Variants in ANKS6 observed in about 807,000 individuals in gnomAD.
The protein encoded by ANKS6 is ankyrin repeat and SAM domain-containing protein 6.
A neutral mutation model predicts 77.9 loss-of-function variants in ANKS6; 47 were observed. The observed-to-expected ratio is 0.60, with a 90% CI of 0.48 to 0.77. The LOEUF is 0.77. Among genes scored for constraint, ANKS6 ranks in the 30% least tolerant of loss-of-function variants. The pLI is 0.00. For missense variants in ANKS6, 1,150 were observed against 1,159.1 expected (o/e 0.99, Z 0.11); for synonymous variants, 488 against 501.7 (o/e 0.97, Z 0.37).
chr9:98,749,175 C>A (rs1037468957), intron 13 of ANKS6, among the ~76,000 whole-genome samples: 4 of 152,128 alleles, frequency 2.6e-5, no homozygotes, highest in African/African-American at 9.7e-5. Context: ...AAGGAAGAGA[C>A]CCTGAGCTTG....
chr9:98,762,984 C>G (rs1211794669), intron 11 of ANKS6, among the ~76,000 whole-genome samples: 1 of 151,944 alleles, frequency 6.6e-6, no homozygotes, highest in Non-Finnish European at 1.5e-5. Context: ...GCTCGTGAGG[C>G]AAAAACCAAC....
chr9:98,768,092 G>A lies in ANKS6; in HGVS notation c.2131C>T (p.Pro711Ser). ...CACAAAACAAGCACCTTGCCAACAG[G>A]AGCGCTGCCACCTGCAGGGGAGGCT... is the stretch of plus-strand genomic sequence containing the variant. The part of the protein sequence containing the change: ...LPASPAGGSA[P>S]VGKKLETSKR... Residue 711 changes from proline (P) to serine (S), a missense_variant, in exon 11 of 15, where the codon CCT (proline) becomes TCT (serine). Transcript: ENST00000353234. 1.9e-6 allele frequency: 3 copies of A among 1,609,134 alleles called. No homozygotes were observed. The highest frequency in any genetic ancestry group is 2.5e-6 in the Non-Finnish European group (3 of 1,178,118).
rs1831502330 is a variant in ANKS6, at chr9:98,736,393, C to G, written c.*126G>C. The G allele has an allele frequency of 7.0e-7, 1 of 1,434,608 alleles. No homozygotes were observed. Among genetic ancestry groups the G allele is most frequent in the African/African-American group, 1.4e-5 (1 of 69,644 alleles). The allele number at this position is 1,434,608 out of a possible 1,614,324, so 88.9% of individuals were successfully genotyped here. A position where few individuals can be genotyped will look rare whatever the true frequency, so the allele number is the denominator to read the frequency against. On this transcript the variant is annotated 3_prime_UTR_variant, in exon 15 of 15. Coordinates refer to ENST00000353234, the MANE Select transcript of ANKS6 (RefSeq NM_173551.5). ...ATGAATGCCGTCGACGTGAAGTGGG[C>G]ATCCCGAGCAAAGGGAACAACATGA...
chr9:98,749,499 A>C (rs1409717863), intron 13 of ANKS6, among the ~76,000 whole-genome samples: 2 of 152,222 alleles, frequency 1.3e-5, no homozygotes, highest in African/African-American at 2.4e-5. Context: ...TGAACGATGA[A>C]GGACAGGTGA....
intron 2 of ANKS6, among the ~76,000 whole-genome samples, chr9:98,788,651 C>T (rs780401686): frequency 2.7e-4 from 41 of 152,344 alleles, no homozygotes; most frequent in Admixed American, 8.5e-4. Flanking sequence ...CTGCTCACCA[C>T]CACCCCGTAG....
rs752825071 is a variant in ANKS6, at chr9:98,790,233, C to A, written c.733G>T (p.Val245Leu). The A allele has an allele frequency of 3.0e-5, 48 of 1,607,012 alleles. 1 individual carries two copies. The highest frequency in any genetic ancestry group is 1.3e-4 in the South Asian group (12 of 90,930). Residue 245 changes from valine to leucine, a missense_variant, in exon 2 of 15, where the codon GTG becomes TTG. Val to Leu is a conservative substitution (Grantham distance 32, BLOSUM62 1). Transcript: ENST00000353234. The part of the protein sequence containing the change: ...TGRLGVAQQL[V>L]EKGANPDHLS... The stretch of plus-strand genomic sequence containing the variant: ...TGGTCAGGGTTGGCGCCCTTCTCCA[C>A]CAGCTGCTGGGCCACTCCAAGCCGC...
At chr9:98,790,914 G>C (rs1473249806) in intron 1 of ANKS6, among the ~76,000 whole-genome samples, 2 of 152,204 alleles carry the variant, frequency 1.3e-5, no homozygotes, top group Non-Finnish European at 2.9e-5. Context: ...CCTACTTCAA[G>C]GGTTGTTGGG....
In ANKS6 at chr9:98,733,471, C is replaced by T; in HGVS notation, c.*3048G>A. On this transcript the variant is annotated 3_prime_UTR_variant, in exon 15 of 15. Coordinates refer to ENST00000353234, the MANE Select transcript of ANKS6 (RefSeq NM_173551.5). Reference sequence around the variant, plus strand: ...TGCCATCTCAAAGCAGGACCGGTCCCCTGATGTCCCACTGCCAAGCAGGCC... The same window carrying T: ...TGCCATCTCAAAGCAGGACCGGTCCTCTGATGTCCCACTGCCAAGCAGGCC... The T allele has an allele frequency of 1.0e-6, 1 of 985,478 alleles. No individual in the cohort carries two copies. The highest frequency in any genetic ancestry group is 4.7e-5 in the South Asian group (1 of 21,286). The allele number at this position is 985,478 out of a possible 1,614,324, so 61.0% of individuals were successfully genotyped here.
At chr9:98,751,878 CA>C (rs2117892689) in intron 12 of ANKS6, among the ~76,000 whole-genome samples, 1 of 152,232 alleles carries the variant, frequency 6.6e-6, no homozygotes, top group East Asian at 1.9e-4. Context: ...GCCAAAAGTT[CA>C]AAACCAGGCC....
chr9:98,780,488 G>T, intron 5 of ANKS6, 151 bp from the exon 6 acceptor site: 3 of 974,278 alleles, frequency 3.1e-6, no homozygotes, highest in Non-Finnish European at 1.5e-6. Context: ...CTCTCCATCT[G>T]ATCTTCAAAA....
At position 98,778,248 on chromosome 9, in the gene ANKS6, C is replaced by T. The variant is rs763850247; in HGVS notation, c.1545G>A (p.Ala515=). The T allele has an allele frequency of 5.6e-6, 9 of 1,614,164 alleles. No homozygotes were observed. Among genetic ancestry groups the T allele is most frequent in the South Asian group, 2.2e-5 (2 of 91,060 alleles). ...CACCATTGTCTTTGGTCACAGGGGC[C>T]GCATCAGGGAGTGCAGAGCGGCTTG... ...DKTSRSALPD[A]APVTKDNGPG... The change falls in exon 7 of 15, where the codon GCG becomes GCA. Residue 515 remains alanine (A), a synonymous_variant. Transcript: ENST00000353234.
chr9:98,765,118 T>C (rs964336330), intron 11 of ANKS6, among the ~76,000 whole-genome samples: 5 of 152,196 alleles, frequency 3.3e-5, no homozygotes, highest in African/African-American at 4.8e-5. Context: ...TAATAAATTC[T>C]CTCTTTTCTC....
rs1834158486 is a variant in ANKS6 at position 98,780,180 on chromosome 9, A to G, written c.1368+9T>C. On this transcript the variant is annotated intron_variant, in intron 6 of 14. Transcript: ENST00000353234. ...CCCCCAAGCCCCTTTAAGACAGGAA[A>G]AGGCAAACCTTCAGTCCACCCTTGT... The G allele has an allele frequency of 6.2e-7, 1 of 1,613,274 alleles. No homozygotes were observed. The highest frequency in any genetic ancestry group is 8.5e-7 in the Non-Finnish European group (1 of 1,179,956).
chr9:98,782,689 G>A (rs1039859585), intron 4 of ANKS6, 116 bp from the exon 5 acceptor site: 5 of 780,150 alleles, frequency 6.4e-6, no homozygotes, highest in Non-Finnish European at 1.1e-5. Flanking sequence ...GAAGGACATG[G>A]AAGGGCAAAC....
chr9:98,795,925 A>G, intron 1 of ANKS6: 1 of 506,556 alleles, frequency 2.0e-6, no homozygotes. Context: ...TGAAAGGCCA[A>G]AATTTCTAAG....
intron 2 of ANKS6, among the ~76,000 whole-genome samples, chr9:98,787,612 T>C (rs1564224733): frequency 6.6e-6 from 1 of 152,266 alleles, no homozygotes; most frequent in East Asian, 1.9e-4. Context: ...CAAAACATAA[T>C]AGTTTCCATT....
chr9:98,790,313 T>C lies in ANKS6; in HGVS notation c.653A>G (p.Asn218Ser). The change falls in exon 2 of 15, where the codon AAC (asparagine) becomes AGC (serine). Residue 218 changes from asparagine to serine, a missense_variant. Transcript: ENST00000353234. ...CCAGCCCACGGTCCGGGCTGCGTGGTTGGGGTCCGCGCCCCACTCCATCAG... is the reference window on the plus strand; with the variant it reads ...CCAGCCCACGGTCCGGGCTGCGTGGCTGGGGTCCGCGCCCCACTCCATCAG... ...RLLMEWGADP[N>S]HAARTVGWSP... is the part of the protein sequence containing the mutation. The C allele has an allele frequency of 2.5e-6, 4 of 1,607,762 alleles. No individual in the cohort carries two copies. Among genetic ancestry groups the C allele is most frequent in the East Asian group, 2.2e-5 (1 of 44,684 alleles).
At chr9:98,737,580 T>C (rs757548607) in intron 14 of ANKS6, among the ~76,000 whole-genome samples, 4 of 152,088 alleles carry the variant, frequency 2.6e-5, no homozygotes, top group African/African-American at 4.8e-5. Context: ...AAATAAATCA[T>C]AGATGACACA....
chr9:98,775,763 T>C (rs1833887917), intron 8 of ANKS6, among the ~76,000 whole-genome samples: 1 of 152,222 alleles, frequency 6.6e-6, no homozygotes, highest in African/African-American at 2.4e-5. Flanking sequence ...ATTTTCCTTC[T>C]ATATGTTTTA....
Sources: allele counts gnomAD v4.1 joint callset (sites outside exome capture counted in the v4.1 genomes callset), GRCh38; gene constraint gnomAD v4.1.1; transcripts MANE v1.5; gene names NCBI Gene and HGNC (gene_info 2026-07-23, HGNC 2026-07-21).